Variants in FBN1 observed in about 807,000 individuals in gnomAD.
FBN1 encodes fibrillin 1.
A neutral mutation model predicts 365.1 loss-of-function variants in FBN1; 29 were observed. That is an observed-to-expected ratio of 0.08 (90% CI 0.06 to 0.11). The LOEUF is 0.11. FBN1 is among the 10% of genes least tolerant of loss of function. FBN1 has a pLI of 1.00. For missense variants in FBN1, 2,476 were observed against 3,703.2 expected, an observed-to-expected ratio of 0.67 and a Z score of 8.60; for synonymous variants, 1,210 against 1,270.5, an observed-to-expected ratio of 0.95 and a Z score of 1.01.
At chr15:48,447,451 C>T (rs954282880) in intron 46 of FBN1, among the ~76,000 whole-genome samples, 4 of 152,114 alleles carry the variant, frequency 2.6e-5, no homozygotes, top group African/African-American at 4.8e-5. Context: ...CATTCTTATT[C>T]GCCTTTTGAT....
chr15:48,549,627 C>T (rs1204601432), intron 6 of FBN1, among the ~76,000 whole-genome samples: 11 of 152,124 alleles, frequency 7.2e-5, no homozygotes, highest in African/African-American at 2.4e-5. Context: ...TCATTTATTC[C>T]TTTTTGGAAG....
intron 13 of FBN1, among the ~76,000 whole-genome samples, chr15:48,513,189 A>C (rs1438846649): frequency 1.3e-5 from 2 of 152,194 alleles, no homozygotes; most frequent in Non-Finnish European, 2.9e-5. Flanking sequence ...ACTTTCCATT[A>C]AGAAATTAAT....
In FBN1 at chr15:48,446,694, T is replaced by C; in HGVS notation, c.5788+12A>G. The stretch of plus-strand genomic sequence containing the variant: ...TGACTTCCTTTGCTGATGCACAATT[T>C]TGCACACGCACCTATACAGTCATTG... On this transcript the variant is annotated intron_variant, in intron 47 of 65. Coordinates refer to ENST00000316623, the MANE Select transcript of FBN1 (RefSeq NM_000138.5). 6.5e-7 allele frequency: 1 copy of C among 1,535,218 alleles called. No homozygotes were observed. The highest frequency in any genetic ancestry group is 9.0e-7 in the Non-Finnish European group (1 of 1,108,142).
intron 6 of FBN1, among the ~76,000 whole-genome samples, chr15:48,548,941 A>C (rs773239861): frequency 3.9e-5 from 6 of 152,354 alleles, no homozygotes; most frequent in Non-Finnish European, 8.8e-5. Flanking sequence ...ATAGAATATC[A>C]ATGACCTTGG....
chr15:48,597,707 G>T lies in FBN1; in HGVS notation c.443-1329C>A, dbSNP rs570200042. On this transcript the variant is annotated intron_variant, in intron 5 of 65. Coordinates refer to ENST00000316623, the MANE Select transcript of FBN1 (RefSeq NM_000138.5). ...TTTTAACCAAAAATTATGGCAGGAGGCCATTACTCATCATATAACCAGAGA... is the reference window on the plus strand; with the variant it reads ...TTTTAACCAAAAATTATGGCAGGAGTCCATTACTCATCATATAACCAGAGA... Among the ~76,000 whole-genome samples the T allele has an allele frequency of 3.5e-4, 53 of 152,328 alleles. 1 individual carries two copies. Among genetic ancestry groups the T allele is most frequent in the Admixed American group, 2.7e-3 (42 of 15,308 alleles).
intron 6 of FBN1, among the ~76,000 whole-genome samples, chr15:48,542,220 G>A (rs145256795): frequency 2.2e-4 from 33 of 152,234 alleles, no homozygotes; most frequent in Middle Eastern, 3.4e-3. Flanking sequence ...CAAATGCATC[G>A]TTTACAGGGA....
intron 6 of FBN1, among the ~76,000 whole-genome samples, chr15:48,542,292 G>T (rs2044063686): frequency 1.3e-5 from 2 of 152,164 alleles, no homozygotes; most frequent in African/African-American, 4.8e-5. Context: ...ACCACAAACT[G>T]CAGGGAAGGC....
chr15:48,612,376 A>G (rs1041250652), intron 3 of FBN1, among the ~76,000 whole-genome samples: 3 of 152,216 alleles, frequency 2.0e-5, no homozygotes, highest in Non-Finnish European at 4.4e-5. Flanking sequence ...CAACTGTAAA[A>G]GCTCATGAAG....
intron 9 of FBN1, among the ~76,000 whole-genome samples, chr15:48,523,123 C>G (rs1015770465): frequency 1.3e-5 from 2 of 152,200 alleles, no homozygotes; most frequent in African/African-American, 4.8e-5. Flanking sequence ...GGCATGGAAA[C>G]CAAAGACTGT....
intron 17 of FBN1, among the ~76,000 whole-genome samples, chr15:48,499,826 T>G (rs1244260750): frequency 1.3e-5 from 2 of 152,220 alleles, no homozygotes; most frequent in African/African-American, 4.8e-5. Context: ...CCCCTTAAGT[T>G]GCCAATGGTT....
intron 53 of FBN1, among the ~76,000 whole-genome samples, chr15:48,435,738 G>GTGTATATATATA (rs2043063417): frequency 9.7e-6 from 1 of 103,164 alleles, no homozygotes; most frequent in Admixed American, 9.0e-5. Context: ...GTATATATAT[G>GTGTATATATATA]TGTGTATATA....
chr15:48,519,661 G>C (rs2043834370), intron 10 of FBN1, among the ~76,000 whole-genome samples: 2 of 152,172 alleles, frequency 1.3e-5, no homozygotes, highest in Non-Finnish European at 2.9e-5. Flanking sequence ...GGCAGGAGTA[G>C]GGAGAAAGAG....
rs747867726 is a variant in FBN1 at position 48,474,275 on chromosome 15, C to A, written c.4190G>T (p.Gly1397Val). 1.4e-5 allele frequency: 23 copies of A among 1,614,020 alleles called. No individual in the cohort carries two copies. The highest frequency in any genetic ancestry group is 4.0e-5 in the African/African-American group (3 of 74,924). Reference protein sequence around the residue: ...YRCLCKEGYTGDGFTCTDLDE... With the variant: ...YRCLCKEGYTVDGFTCTDLDE... ...CATACCTGTACAAGTGAAGCCATCA[C>A]CTGTGTATCCTTCCTTGCACAGACA... The change falls in exon 34 of 66, where the codon GGT becomes GTT. Residue 1397 changes from glycine (G) to valine (V), a missense_variant. Physicochemically the swap from Gly to Val is moderately radical, Grantham distance 109. Around this residue, in one of 5 missense-constraint regions of FBN1, gnomAD observed 1,780 missense variants for 2,840.8 expected, o/e 0.63. Transcript: ENST00000316623.
chr15:48,497,736 C>T (rs2043620262), intron 18 of FBN1, among the ~76,000 whole-genome samples: 1 of 152,134 alleles, frequency 6.6e-6, no homozygotes, highest in South Asian at 2.1e-4. Flanking sequence ...AACTGGTCTC[C>T]CTACCACCAG....
chr15:48,500,594 A>G (rs1237837688), intron 17 of FBN1, among the ~76,000 whole-genome samples: 1 of 152,224 alleles, frequency 6.6e-6, no homozygotes, highest in Non-Finnish European at 1.5e-5. Flanking sequence ...AAATAAAAGT[A>G]TTATAAACAC....
At chr15:48,526,296 A>G (rs1276203610) in intron 8 of FBN1, 41 bp from the exon 9 acceptor site, 2 of 1,610,422 alleles carry the variant, frequency 1.2e-6, no homozygotes, top group South Asian at 2.2e-5. Flanking sequence ...TGTAGAACAC[A>G]ATATAAAACC....
intron 4 of FBN1, among the ~76,000 whole-genome samples, chr15:48,603,173 CCTGT>C (rs560446801): frequency 2.6e-5 from 4 of 152,068 alleles, no homozygotes; most frequent in African/African-American, 4.8e-5. Context: ...TATTTTTTAC[CCTGT>C]CTTTCAGGCA....
At chr15:48,479,854 A>C (rs2043453411) in intron 32 of FBN1, among the ~76,000 whole-genome samples, 1 of 152,140 alleles carries the variant, frequency 6.6e-6, no homozygotes, top group Non-Finnish European at 1.5e-5. Flanking sequence ...AGTAGCATAA[A>C]ATTTTTGCTA....
chr15:48,464,057 A>G (rs551929178), intron 40 of FBN1, 36 bp from the exon 41 acceptor site: 3 of 1,608,266 alleles, frequency 1.9e-6, no homozygotes, highest in Non-Finnish European at 2.6e-6. Flanking sequence ...GTGAATATGA[A>G]AACTTCACAT....
Sources: gnomAD v4.1 joint callset for allele counts (sites outside exome capture counted in the v4.1 genomes callset) on GRCh38, gnomAD v4.1.1 for gene constraint, gnomAD v4.1.1 regional missense constraint, MANE v1.5 for transcripts, NCBI Gene and HGNC (gene_info 2026-07-23, HGNC 2026-07-21) for gene names.